Variants in TENM3 observed in about 807,000 individuals in gnomAD.
TENM3 encodes the protein teneurin-3.
TENM3 carries 63 observed loss-of-function variants against 255.1 expected under a neutral mutation model. That is an observed-to-expected ratio of 0.25 (90% confidence interval 0.20 to 0.30). The LOEUF (loss-of-function observed/expected upper bound fraction) is 0.30, where lower values mean the gene tolerates loss of function less well. Among genes scored for constraint, TENM3 ranks in the 10% least tolerant of loss-of-function variants. The pLI is 1.00. For synonymous variants in TENM3, 1,306 were observed against 1,322.3 expected (o/e 0.99, Z 0.27); for missense variants, 2,929 against 3,461.1 (o/e 0.85, Z 3.86).
chr4:181,810,633 G>T, the TENM3 span, among the ~76,000 whole-genome samples: 1 of 152,054 alleles, frequency 6.6e-6, no homozygotes, highest in Non-Finnish European at 1.5e-5. Context: ...AGTATGGTCT[G>T]ATGAGAGATA....
chr4:182,274,472 C>T (rs1759859091), intron 1 of TENM3, among the ~76,000 whole-genome samples: 1 of 152,108 alleles, frequency 6.6e-6, no homozygotes. Context: ...TCAGTGATGA[C>T]TGTTCAGAGG....
At chr4:182,702,281 G>C (rs907718493) in intron 12 of TENM3, among the ~76,000 whole-genome samples, 1 of 152,122 alleles carries the variant, frequency 6.6e-6, no homozygotes, top group African/African-American at 2.4e-5. Flanking sequence ...CTGGGAACAG[G>C]CCAGTTCATA....
the TENM3 span, among the ~76,000 whole-genome samples, chr4:181,548,446 T>A: frequency 6.6e-6 from 1 of 152,078 alleles, no homozygotes; most frequent in South Asian, 2.1e-4. Flanking sequence ...ATTAAGAAAA[T>A]GTGGCACATA....
chr4:182,516,661 C>T (rs962649400), intron 3 of TENM3, among the ~76,000 whole-genome samples: 10 of 152,210 alleles, frequency 6.6e-5, no homozygotes, highest in Non-Finnish European at 8.8e-5. Context: ...GAGGCTGAGG[C>T]GAGTGGATCA....
intron 3 of TENM3, among the ~76,000 whole-genome samples, chr4:182,463,853 C>T (rs1385113534): frequency 6.6e-6 from 1 of 151,942 alleles, no homozygotes. Context: ...GAACTCCGAC[C>T]TCAGGTGATC....
intron 19 of TENM3, among the ~76,000 whole-genome samples, chr4:182,750,753 G>T (rs1188115512): frequency 6.6e-6 from 1 of 152,100 alleles, no homozygotes; most frequent in Non-Finnish European, 1.5e-5. Flanking sequence ...GAGGGAATGA[G>T]AATTAATTAA....
the TENM3 span, among the ~76,000 whole-genome samples, chr4:181,505,404 A>G: frequency 2.6e-5 from 4 of 152,320 alleles, no homozygotes; most frequent in South Asian, 8.3e-4. Context: ...GTTCCTACAA[A>G]TGCACAAGGA....
At chr4:182,065,027 A>C in the TENM3 span, among the ~76,000 whole-genome samples, 3 of 126,194 alleles carry the variant, frequency 2.4e-5, no homozygotes, top group Non-Finnish European at 4.8e-5. Flanking sequence ...AAATAGAATA[A>C]TTTCTTTCTT....
At chr4:181,559,817 G>A in the TENM3 span, among the ~76,000 whole-genome samples, 71 of 152,190 alleles carry the variant, frequency 4.7e-4, no homozygotes, top group Admixed American at 1.1e-3. Context: ...GCATCTTCAA[G>A]GTGCAGCTTG....
At chr4:181,505,123 T>G in the TENM3 span, among the ~76,000 whole-genome samples, 1 of 152,168 alleles carries the variant, frequency 6.6e-6, no homozygotes, top group Admixed American at 6.5e-5. Flanking sequence ...TTTGCTCTGC[T>G]CGATATCAGG....
the TENM3 span, among the ~76,000 whole-genome samples, chr4:182,101,054 A>AGGAACAGAGGAAGGG: frequency 3.7e-5 from 1 of 26,688 alleles, no homozygotes; most frequent in Admixed American, 4.7e-4. Context: ...CAAAAAAAGG[A>AGGAACAGAGGAAGGG]AGGAAGGGAG....
the TENM3 span, among the ~76,000 whole-genome samples, chr4:182,070,248 A>G: frequency 6.6e-6 from 1 of 152,210 alleles, no homozygotes; most frequent in Non-Finnish European, 1.5e-5. Context: ...TAGAAAAAGC[A>G]TCTTACTTAT....
the TENM3 span, among the ~76,000 whole-genome samples, chr4:181,855,444 T>C: frequency 1.3e-5 from 2 of 152,220 alleles, no homozygotes; most frequent in African/African-American, 2.4e-5. Context: ...TATTAATGAT[T>C]CATCACTTAT....
At chr4:181,864,564 C>G in the TENM3 span, among the ~76,000 whole-genome samples, 1 of 152,128 alleles carries the variant, frequency 6.6e-6, no homozygotes, top group Admixed American at 6.6e-5. Context: ...TCCAGTTAGA[C>G]CACGAACTGG....
chr4:181,771,549 A>C, the TENM3 span, among the ~76,000 whole-genome samples: 1 of 152,198 alleles, frequency 6.6e-6, no homozygotes, highest in Non-Finnish European at 1.5e-5. Context: ...ATTTGGATTG[A>C]CTGAAACAAT....
At chr4:182,299,730 G>A (rs577405761) in intron 1 of TENM3, among the ~76,000 whole-genome samples, 128 of 152,016 alleles carry the variant, frequency 8.4e-4, no homozygotes, top group Non-Finnish European at 1.6e-3. Context: ...ACCTGCTGAG[G>A]TCAGGTGATT....
intron 4 of TENM3, among the ~76,000 whole-genome samples, chr4:182,624,292 C>G (rs1750612924): frequency 6.6e-6 from 1 of 152,226 alleles, no homozygotes; most frequent in African/African-American, 2.4e-5. Flanking sequence ...TTTCCACTTT[C>G]CCCCAGAGGG....
chr4:182,456,907 GC>G (rs1290769926), intron 3 of TENM3, among the ~76,000 whole-genome samples: 1 of 152,150 alleles, frequency 6.6e-6, no homozygotes, highest in East Asian at 1.9e-4. Flanking sequence ...GCTGGGCCCG[GC>G]ATGGTGGCTC....
intron 6 of TENM3, among the ~76,000 whole-genome samples, chr4:182,657,894 A>G (rs1201999132): frequency 6.6e-6 from 1 of 152,098 alleles, no homozygotes; most frequent in Non-Finnish European, 1.5e-5. Context: ...GAGCTCAAGC[A>G]ATCCTCCTGC....
Sources: allele counts gnomAD v4.1 joint callset (sites outside exome capture counted in the v4.1 genomes callset), GRCh38; gene constraint gnomAD v4.1.1; transcripts MANE v1.5; gene names NCBI Gene and HGNC (gene_info 2026-07-23, HGNC 2026-07-21).